The following FARP1 variants were observed in gnomAD, a reference collection of about 807,000 sequenced individuals.
FARP1 encodes FERM, ARH/RhoGEF and pleckstrin domain protein 1, also known as FERM, ARHGEF and pleckstrin domain-containing protein 1.
A neutral mutation model predicts 128.8 loss-of-function variants in FARP1; 52 were observed. That is an observed-to-expected ratio of 0.40 (90% CI 0.32 to 0.51). The LOEUF is 0.51. Among genes scored for constraint, FARP1 ranks in the 20% least tolerant of loss-of-function variants. The pLI is 0.45. For synonymous variants in FARP1, 580 were observed against 551.8 expected, an observed-to-expected ratio of 1.05 and a Z score of -0.72; for missense variants, 1,333 against 1,367.9, an observed-to-expected ratio of 0.97 and a Z score of 0.40.
At chr13:98,262,342 C>T (rs536158488) in intron 2 of FARP1, among the ~76,000 whole-genome samples, 2 of 151,938 alleles carry the variant, frequency 1.3e-5, no homozygotes, top group East Asian at 3.9e-4. Flanking sequence ...TTTTATTTGC[C>T]GACTTTTCTT....
At chr13:98,399,206 C>T (rs1392785350) in intron 13 of FARP1, 2 of 151,906 alleles carry the variant, frequency 1.3e-5, no homozygotes, top group African/African-American at 4.8e-5. Flanking sequence ...TGATGTGCTG[C>T]GAATAGTCAC....
At chr13:98,251,904 G>A (rs61970238) in intron 2 of FARP1, among the ~76,000 whole-genome samples, 27 of 152,204 alleles carry the variant, frequency 1.8e-4, no homozygotes, top group Non-Finnish European at 1.3e-4. Context: ...AGGGTGTGCA[G>A]TGACGCAATC....
intron 1 of FARP1, among the ~76,000 whole-genome samples, chr13:98,188,002 T>G (rs919096778): frequency 1.3e-5 from 2 of 152,214 alleles, no homozygotes; most frequent in Non-Finnish European, 2.9e-5. Flanking sequence ...TGTTCACATT[T>G]GCTATTTTAA....
intron 2 of FARP1, among the ~76,000 whole-genome samples, chr13:98,293,500 G>A (rs150588849): frequency 0.014 from 2,162 of 152,302 alleles, 17 homozygotes; most frequent in South Asian, 0.036. Flanking sequence ...GCTACATGCT[G>A]TGGTTGACAC....
Position 98,446,719 on chromosome 13 carries a change from C to T in FARP1, c.2958C>T (p.Pro986=). Residue 986 remains proline, a synonymous_variant, in exon 26 of 27, where the codon CCC becomes CCT. Transcript: ENST00000319562. ...LPLLGYSLTI[P]SESENIQKDY... is the part of the protein sequence containing the mutation. ...TGCTCGGCTACTCGCTCACCATCCC[C>T]TCTGAGTCCGAGAACATCCAGAAAG... 1 of 1,614,192 alleles carries T rather than the reference C, an allele frequency of 6.2e-7. No homozygotes were observed. Among genetic ancestry groups the T allele is most frequent in the Non-Finnish European group, 8.5e-7 (1 of 1,180,028 alleles).
intron 1 of FARP1, among the ~76,000 whole-genome samples, chr13:98,210,795 C>T (rs750885161): frequency 5.1e-4 from 77 of 152,266 alleles, no homozygotes; most frequent in Admixed American, 2.0e-3. Context: ...GTGATCTGCC[C>T]GCCTCAGCCT....
At chr13:98,425,141 G>T (rs1207929322) in intron 17 of FARP1, among the ~76,000 whole-genome samples, 1 of 150,640 alleles carries the variant, frequency 6.6e-6, no homozygotes, top group Non-Finnish European at 1.5e-5. Flanking sequence ...AGGTTTTTTT[G>T]TTTCAAAAGT....
At chr13:98,271,803 T>A (rs1163944229) in intron 2 of FARP1, among the ~76,000 whole-genome samples, 6 of 152,218 alleles carry the variant, frequency 3.9e-5, no homozygotes, top group Non-Finnish European at 2.9e-5. Context: ...CTTTATCTAA[T>A]CTATCACTGA....
intron 1 of FARP1, among the ~76,000 whole-genome samples, chr13:98,162,832 C>T (rs1023925114): frequency 4.6e-5 from 7 of 152,058 alleles, no homozygotes; most frequent in Admixed American, 2.6e-4. Flanking sequence ...AGGTTGCTGG[C>T]GAGGTTGCGG....
At chr13:98,188,582 G>T (rs1452602618) in intron 1 of FARP1, among the ~76,000 whole-genome samples, 3 of 152,018 alleles carry the variant, frequency 2.0e-5, no homozygotes, top group Non-Finnish European at 4.4e-5. Context: ...AAAGGAGAAA[G>T]AAGTTTTCTA....
chr13:98,254,927 CT>C (rs550122602), intron 2 of FARP1, among the ~76,000 whole-genome samples: 3 of 149,366 alleles, frequency 2.0e-5, no homozygotes, highest in Admixed American at 2.0e-4. Context: ...CTACAAGATC[CT>C]TTTGTGGCAT....
chr13:98,357,871 T>C lies in FARP1; in HGVS notation c.277-7524T>C, dbSNP rs141302998. ...GTTATTTGGAAGCGATTTGATCCTT[T>C]TGGATTTGGTTTTTAAGACTTGTTA... On this transcript the variant is annotated intron_variant, in intron 3 of 26. Transcript: ENST00000319562. Among the ~76,000 whole-genome samples, 166 of 152,278 alleles carry C rather than the reference T, an allele frequency of 1.1e-3. 1 individual carries two copies. The highest frequency in any genetic ancestry group is 3.9e-3 in the African/African-American group (161 of 41,556).
intron 5 of FARP1, among the ~76,000 whole-genome samples, chr13:98,375,798 T>G (rs1889555662): frequency 6.6e-6 from 1 of 152,068 alleles, no homozygotes; most frequent in Admixed American, 6.5e-5. Flanking sequence ...CCGGCTAATT[T>G]TTATATTTTT....
In FARP1 at chr13:98,176,186, C is replaced by G. The variant is rs764464377; in HGVS notation, c.-24+32694C>G. ...TCTTATCTCTTTTTTCCTAAAAGAA[C>G]AAAAAAATTTATTTAAATGTGAGAA... On this transcript the variant is annotated intron_variant, in intron 1 of 26. Transcript: ENST00000319562. This position sits in a 1 kb window ranked among gnomAD's most constrained non-coding sequence, Gnocchi z 6.2. 1.9e-6 allele frequency: 3 copies of G among 1,610,232 alleles called. No individual in the cohort carries two copies. The highest frequency in any genetic ancestry group is 2.2e-5 in the South Asian group (2 of 90,720).
chr13:98,205,544 C>T (rs1880216849), intron 1 of FARP1, among the ~76,000 whole-genome samples: 1 of 152,092 alleles, frequency 6.6e-6, no homozygotes. Context: ...AGGTGCCCAC[C>T]ACCATGCCCG....
Position 98,160,266 on chromosome 13 carries a change from A to G in FARP1, c.-24+16774A>G, listed in dbSNP as rs1876783539. Among the ~76,000 whole-genome samples the G allele has an allele frequency of 1.3e-5, 2 of 152,170 alleles. 1 individual carries two copies. Among genetic ancestry groups the G allele is most frequent in the Non-Finnish European group, 2.9e-5 (2 of 68,026 alleles). On this transcript the variant is annotated intron_variant, in intron 1 of 26. Transcript: ENST00000319562. ...GAAATGAAGCCTCCTTTGAGTGGAT[A>G]TGCCAGCACTCTGGCAGGTGTGTGC...
Position 98,433,112 on chromosome 13 carries a change from G to A in FARP1, c.2143+1832G>A, listed in dbSNP as rs9582231. The A allele has an allele frequency of 4.8e-4, 73 of 152,368 alleles. 1 individual carries two copies. The highest frequency in any genetic ancestry group is 1.6e-3 in the African/African-American group (67 of 41,540). 9.4% of individuals were successfully genotyped at this position (152,368 alleles called of 1,614,324 possible). A position where few individuals can be genotyped will look rare whatever the true frequency, so the allele number is the denominator to read the frequency against. On this transcript the variant is annotated intron_variant, in intron 18 of 26. Transcript: ENST00000319562. ...CCGGAACATTGCCAAAAGCGTGCAG[G>A]GCACAGGGAGAGCCACAAAGTGAGG...
In FARP1 at chr13:98,368,119, C is replaced by T; in HGVS notation, c.322C>T (p.Pro108Ser). The T allele has an allele frequency of 6.2e-7, 1 of 1,612,742 alleles. No homozygotes were observed. ...LKPIVKQIRR[P>S]KHVVVKFVVK... is the part of the protein sequence containing the mutation. ...CTTCTTTTTTTCTTCTTCTTTAGGG[C>T]CAAAGCACGTTGTTGTTAAGTTTGT... Residue 108 changes from proline (P) to serine (S), a missense_variant and splice_region_variant, in exon 5 of 27, where the codon CCA becomes TCA. Physicochemically the swap from Pro to Ser is moderately conservative, Grantham distance 74. Around this residue, in one of 2 missense-constraint regions of FARP1, gnomAD observed 324 missense variants for 398.1 expected, o/e 0.81. Coordinates refer to ENST00000319562, the MANE Select transcript of FARP1 (RefSeq NM_005766.4).
intron 1 of FARP1, among the ~76,000 whole-genome samples, chr13:98,187,593 G>C (rs1200751890): frequency 6.6e-6 from 1 of 152,222 alleles, no homozygotes; most frequent in Non-Finnish European, 1.5e-5. Context: ...ACAGGGCCTT[G>C]AATGTCAGGC....
Sources: allele counts gnomAD v4.1 joint callset (sites outside exome capture counted in the v4.1 genomes callset), GRCh38; gene constraint gnomAD v4.1.1; regional missense constraint gnomAD v4.1.1; non-coding constraint Gnocchi (gnomAD v3.1); transcripts MANE v1.5; gene names NCBI Gene and HGNC (gene_info 2026-07-23, HGNC 2026-07-21).